Variants in ATXN7L1 observed in about 807,000 individuals in gnomAD.
ATXN7L1 encodes ataxin 7 like 1, also known as ataxin-7-like protein 1.
A neutral mutation model predicts 70.8 loss-of-function variants in ATXN7L1; 15 were observed. The observed-to-expected ratio is 0.21, with a 90% CI of 0.14 to 0.33. The LOEUF is 0.33. Among genes scored for constraint, ATXN7L1 ranks in the 10% least tolerant of loss-of-function variants. ATXN7L1 has a pLI of 1.00. For synonymous variants in ATXN7L1, 440 were observed against 445.1 expected (o/e 0.99, Z 0.14); for missense variants, 975 against 1,097.1 (o/e 0.89, Z 1.57).
In ATXN7L1 at chr7:105,788,604, C is replaced by T; in HGVS notation, c.355G>A (p.Glu119Lys). 6.2e-7 allele frequency: 1 copy of T among 1,607,426 alleles called. No individual in the cohort carries two copies. The highest frequency in any genetic ancestry group is 8.5e-7 in the Non-Finnish European group (1 of 1,173,956). ...VKPQVFQSHC[E>K]RRHGSMCRPS... ...GCCGACGGTGCAGGGGTCCACTTAC[C>T]GCAGTGCGACTGGAAAACCTGTGGC... Residue 119 changes from glutamate (E) to lysine (K), a missense_variant and splice_region_variant, in exon 3 of 12, where the codon GAG becomes AAG. This residue lies in a region of ATXN7L1 where 7 missense variants were observed against 24.9 expected (regional missense o/e 0.28). Transcript: ENST00000419735.
At chr7:105,692,411 T>TTCCTTCCTTCCTTCCCTCCCTCCC (rs1554431634) in intron 3 of ATXN7L1, among the ~76,000 whole-genome samples, 2,282 of 119,396 alleles carry the variant, frequency 0.019, 70 homozygotes, top group Non-Finnish European at 0.029. Flanking sequence ...CCTTCCTTCC[T>TTCCTTCCTTCCTTCCCTCCCTCCC]TCCTTCCTTC....
chr7:105,772,229 AC>A (rs1195556008), intron 3 of ATXN7L1, among the ~76,000 whole-genome samples: 1 of 151,954 alleles, frequency 6.6e-6, no homozygotes, highest in Non-Finnish European at 1.5e-5. Context: ...ACATGCCACC[AC>A]ACCTGGCTTA....
intron 2 of ATXN7L1, among the ~76,000 whole-genome samples, chr7:105,841,855 T>C (rs1585129574): frequency 6.6e-6 from 1 of 152,228 alleles, no homozygotes; most frequent in East Asian, 1.9e-4. Flanking sequence ...AGACATCCAC[T>C]GGGGGTCTTG....
chr7:105,815,945 C>T (rs1181450691), intron 2 of ATXN7L1, among the ~76,000 whole-genome samples: 1 of 152,120 alleles, frequency 6.6e-6, no homozygotes, highest in Non-Finnish European at 1.5e-5. Context: ...CTTTTAAAGG[C>T]AATTATTAAA....
At chr7:105,666,079 A>T (rs1276641595) in intron 3 of ATXN7L1, among the ~76,000 whole-genome samples, 1 of 152,216 alleles carries the variant, frequency 6.6e-6, no homozygotes, top group Non-Finnish European at 1.5e-5. Context: ...AGGAGAGCAG[A>T]TGCATGAAGT....
intron 2 of ATXN7L1, among the ~76,000 whole-genome samples, chr7:105,796,482 T>C (rs1326966570): frequency 6.6e-6 from 1 of 152,192 alleles, no homozygotes; most frequent in Admixed American, 6.5e-5. Context: ...GACCAGGTGC[T>C]ATTGATCTTC....
At chr7:105,663,200 C>A (rs1188243880) in intron 4 of ATXN7L1, among the ~76,000 whole-genome samples, 1 of 152,310 alleles carries the variant, frequency 6.6e-6, no homozygotes, top group East Asian at 1.9e-4. Context: ...TGGGCAAACA[C>A]CACTCTCCGG....
intron 2 of ATXN7L1, among the ~76,000 whole-genome samples, chr7:105,813,297 G>C (rs1808697833): frequency 2.0e-5 from 3 of 151,184 alleles, no homozygotes; most frequent in Admixed American, 1.3e-4. Flanking sequence ...TTGGCTCCTG[G>C]TGTTCACTAC....
chr7:105,845,486 A>G (rs373221564), intron 2 of ATXN7L1, among the ~76,000 whole-genome samples: 2 of 110,978 alleles, frequency 1.8e-5, no homozygotes, highest in Non-Finnish European at 4.2e-5. Flanking sequence ...TGATCTACAG[A>G]TTCAACGTAA....
intron 2 of ATXN7L1, among the ~76,000 whole-genome samples, chr7:105,793,069 C>CA (rs1391365440): frequency 6.6e-6 from 1 of 152,242 alleles, no homozygotes; most frequent in African/African-American, 2.4e-5. Flanking sequence ...CCCGGATACT[C>CA]TGACTCTAAA....
intron 2 of ATXN7L1, among the ~76,000 whole-genome samples, chr7:105,864,510 C>T (rs890885799): frequency 2.0e-5 from 3 of 150,354 alleles, no homozygotes; most frequent in African/African-American, 4.9e-5. Context: ...GTGCTTCACT[C>T]CCGGTTGTTT....
intron 4 of ATXN7L1, among the ~76,000 whole-genome samples, chr7:105,652,704 C>G (rs1460443688): frequency 6.6e-6 from 1 of 152,230 alleles, no homozygotes; most frequent in Non-Finnish European, 1.5e-5. Flanking sequence ...GCCAGGAAGG[C>G]TGGGAGCTGG....
rs982480200 is a variant in ATXN7L1, at chr7:105,614,991, C to T, written c.1518-175G>A. 2.6e-5 allele frequency among the ~76,000 whole-genome samples: 4 copies of T among 152,106 alleles called. 1 individual carries two copies. Among genetic ancestry groups the T allele is most frequent in the African/African-American group, 9.6e-5 (4 of 41,494 alleles). On this transcript the variant is annotated intron_variant, in intron 9 of 11. Transcript: ENST00000419735. The surrounding 1 kb of genome is among the most constrained non-coding windows in gnomAD (Gnocchi z 4.3). ...TGAAGCATGGCCCCTCCTTATGGCA[C>T]CCCCCATTGCAACATCCAGCAACCT... is the stretch of plus-strand genomic sequence containing the variant.
At chr7:105,835,596 C>T (rs888361675) in intron 2 of ATXN7L1, among the ~76,000 whole-genome samples, 1 of 152,118 alleles carries the variant, frequency 6.6e-6, no homozygotes, top group African/African-American at 2.4e-5. Flanking sequence ...CATTTCAGAG[C>T]TCAGCGGAGA....
intron 3 of ATXN7L1, among the ~76,000 whole-genome samples, chr7:105,703,016 T>C (rs1320621246): frequency 3.3e-5 from 5 of 152,182 alleles, no homozygotes; most frequent in Non-Finnish European, 7.3e-5. Flanking sequence ...CTTGGGAGGC[T>C]GAGGCAGGAG....
In ATXN7L1 at chr7:105,614,307, T is replaced by G. The variant is rs1330115951; in HGVS notation, c.2027A>C (p.Lys676Thr). 6.4e-7 allele frequency: 1 copy of G among 1,552,190 alleles called. No individual in the cohort carries two copies. Among genetic ancestry groups the G allele is most frequent in the Admixed American group, 2.0e-5 (1 of 51,016 alleles). The change falls in exon 10 of 12, where the codon AAG becomes ACG. Residue 676 changes from lysine to threonine, a missense_variant. Coordinates refer to ENST00000419735, the MANE Select transcript of ATXN7L1 (RefSeq NM_020725.2). The surrounding 1 kb of genome is among the most constrained non-coding windows in gnomAD (Gnocchi z 4.3). ...AGAACTGGCATTCAAAACACAGTTC[T>G]TTTTGTGAGGCCCTGACAGTGGAGA... is the stretch of plus-strand genomic sequence containing the variant. ...LSSPLSGPHKKNCVLNASSAL... is the reference protein window; with the variant it reads ...LSSPLSGPHKTNCVLNASSAL...
At position 105,629,547 on chromosome 7, in the gene ATXN7L1, C is replaced by T. The variant is rs545839332; in HGVS notation, c.1203-5280G>A. Reference sequence around the variant, plus strand: ...ATTTTTTTTTTGGAGATGGAGTCTCCCTCTGTCACCCAGGCTGGAGTGCAG... The same window carrying T: ...ATTTTTTTTTTGGAGATGGAGTCTCTCTCTGTCACCCAGGCTGGAGTGCAG... On this transcript the variant is annotated intron_variant, in intron 7 of 11. Transcript: ENST00000419735. 3.3e-5 allele frequency among the ~76,000 whole-genome samples: 5 copies of T among 149,910 alleles called. No homozygotes were observed. In the South Asian group the frequency reaches 8.4e-4, roughly 25 times the overall value.
chr7:105,765,329 A>AC (rs1437707454), intron 3 of ATXN7L1, among the ~76,000 whole-genome samples: 3 of 150,326 alleles, frequency 2.0e-5, no homozygotes, highest in African/African-American at 4.9e-5. Flanking sequence ...AAAAAAAAAA[A>AC]CCCTCTAAAT....
At chr7:105,637,779 C>T (rs1335494701) in intron 7 of ATXN7L1, among the ~76,000 whole-genome samples, 2 of 152,182 alleles carry the variant, frequency 1.3e-5, no homozygotes, top group Non-Finnish European at 2.9e-5. Flanking sequence ...AGTAGCTTTC[C>T]TGGTGTGGAG....
Sources: gnomAD v4.1 joint callset for allele counts (sites outside exome capture counted in the v4.1 genomes callset) on GRCh38, gnomAD v4.1.1 for gene constraint, gnomAD v4.1.1 regional missense constraint, Gnocchi (gnomAD v3.1) non-coding constraint, MANE v1.5 for transcripts, NCBI Gene and HGNC (gene_info 2026-07-23, HGNC 2026-07-21) for gene names.